The following DLC1 variants were observed in gnomAD, a reference collection of about 807,000 sequenced individuals.
DLC1 encodes rho GTPase-activating protein 7.
A neutral mutation model predicts 140.3 loss-of-function variants in DLC1; 54 were observed. The ratio of observed to expected loss-of-function variants is 0.38; its 90% confidence interval spans 0.31 to 0.48. The LOEUF (loss-of-function observed/expected upper bound fraction) is 0.48, where lower values mean the gene tolerates loss of function less well. Ranked by LOEUF, DLC1 falls within the 20% of genes least tolerant of loss-of-function variation. The pLI is 0.96. For missense variants in DLC1, 2,536 were observed against 1,907.0 expected (o/e 1.33, Z -6.14); for synonymous variants, 986 against 728.1 (o/e 1.35, Z -5.70).
intron 2 of DLC1, among the ~76,000 whole-genome samples, chr8:13,443,095 A>G (rs554607913): frequency 7.0e-4 from 107 of 151,808 alleles, no homozygotes; most frequent in African/African-American, 2.1e-3. Context: ...TCAGCAAACT[A>G]TCTCAAGGAC....
At chr8:13,555,007 C>T (rs73212113) in intron 1 of DLC1, among the ~76,000 whole-genome samples, 20,484 of 152,232 alleles carry the variant, frequency 0.13, 1,544 homozygotes, top group Middle Eastern at 0.24. Flanking sequence ...ATGTTAAGCA[C>T]GTCTCTTTCT....
intron 7 of DLC1, among the ~76,000 whole-genome samples, chr8:13,108,052 T>TA (rs550958674): frequency 3.4e-3 from 514 of 151,794 alleles, no homozygotes; most frequent in African/African-American, 0.012. Flanking sequence ...CTCAAAAAAA[T>TA]AAAAAAATAA....
chr8:13,345,547 C>CTTTTTTTATTTTTTTTTT (rs1834290974), intron 4 of DLC1, among the ~76,000 whole-genome samples: 1 of 67,520 alleles, frequency 1.5e-5, no homozygotes, highest in Non-Finnish European at 2.6e-5. Context: ...TTCACTCACA[C>CTTTTTTTATTTTTTTTTT]TTTTTTTTTT....
intron 7 of DLC1, among the ~76,000 whole-genome samples, chr8:13,104,682 G>C (rs990550345): frequency 2.0e-5 from 3 of 152,200 alleles, no homozygotes; most frequent in African/African-American, 4.8e-5. Flanking sequence ...TGTTCTTGCT[G>C]TTTGCCTAAC....
rs575629783 is a variant in DLC1 at position 13,218,554 on chromosome 8, A to G, written c.1348+86715T>C. Among the ~76,000 whole-genome samples the G allele has an allele frequency of 2.0e-5, 3 of 152,066 alleles. No individual in the cohort carries two copies. In the South Asian group the frequency reaches 6.2e-4, roughly 32 times the overall value. On this transcript the variant is annotated intron_variant, in intron 5 of 17. Coordinates refer to ENST00000276297, the MANE Select transcript of DLC1 (RefSeq NM_182643.3). ...GGTTACTAGCCATTAGGGAATTGCAAATCAAAACTACAGTGATGTAATGCT... is the reference window on the plus strand; with the variant it reads ...GGTTACTAGCCATTAGGGAATTGCAGATCAAAACTACAGTGATGTAATGCT...
At chr8:13,217,376 C>G (rs1828253015) in intron 5 of DLC1, among the ~76,000 whole-genome samples, 1 of 152,130 alleles carries the variant, frequency 6.6e-6, no homozygotes, top group Non-Finnish European at 1.5e-5. Flanking sequence ...GCATTCTTCT[C>G]TTTGTACTAA....
chr8:13,407,026 G>A (rs1009220502), intron 2 of DLC1, among the ~76,000 whole-genome samples: 1 of 152,184 alleles, frequency 6.6e-6, no homozygotes, highest in Non-Finnish European at 1.5e-5. Context: ...GATAATATAT[G>A]TAGCTGCTGT....
intron 1 of DLC1, among the ~76,000 whole-genome samples, chr8:13,506,544 GACAC>G (rs1286418920): frequency 8.6e-5 from 11 of 127,666 alleles, no homozygotes; most frequent in African/African-American, 3.2e-4. Context: ...CACACACATG[GACAC>G]ACACACACAC....
intron 2 of DLC1, among the ~76,000 whole-genome samples, chr8:13,432,204 T>C (rs1838911197): frequency 6.6e-6 from 1 of 152,224 alleles, no homozygotes; most frequent in African/African-American, 2.4e-5. Flanking sequence ...TAATGTATTA[T>C]ATTGAAAATG....
At chr8:13,203,814 G>A (rs1213234385) in intron 5 of DLC1, among the ~76,000 whole-genome samples, 1 of 152,160 alleles carries the variant, frequency 6.6e-6, no homozygotes. Flanking sequence ...GAACAGAATG[G>A]ATGGAAAATA....
At chr8:13,276,504 G>T in intron 5 of DLC1, 2 of 1,309,500 alleles carry the variant, frequency 1.5e-6, no homozygotes, top group Non-Finnish European at 1.9e-6. Flanking sequence ...CCTTCAGGAG[G>T]CCGGCATTGC....
At chr8:13,548,701 C>T (rs1046882585) in intron 1 of DLC1, among the ~76,000 whole-genome samples, 1 of 151,934 alleles carries the variant, frequency 6.6e-6, no homozygotes, top group Non-Finnish European at 1.5e-5. Flanking sequence ...GAGCACACCT[C>T]TTTTTGATAA....
At chr8:13,492,165 C>T (rs1801279798) in intron 2 of DLC1, among the ~76,000 whole-genome samples, 1 of 152,112 alleles carries the variant, frequency 6.6e-6, no homozygotes, top group African/African-American at 2.4e-5. Flanking sequence ...ATTTGAGGAT[C>T]TTGAAATATG....
chr8:13,523,343 A>C (rs998110234), intron 1 of DLC1, among the ~76,000 whole-genome samples: 4 of 152,198 alleles, frequency 2.6e-5, no homozygotes, highest in African/African-American at 9.6e-5. Flanking sequence ...CTTTATGAGC[A>C]ACTGAAAGAT....
chr8:13,475,773 G>T (rs1470391958), intron 2 of DLC1, among the ~76,000 whole-genome samples: 1 of 152,188 alleles, frequency 6.6e-6, no homozygotes. Context: ...GCAGTGAGTG[G>T]CAAGTGTTGG....
At chr8:13,554,632 A>C (rs189925212) in intron 1 of DLC1, among the ~76,000 whole-genome samples, 42 of 152,190 alleles carry the variant, frequency 2.8e-4, no homozygotes, top group Non-Finnish European at 8.8e-5. Flanking sequence ...AAACCCTCTA[A>C]GAAATCTTTC....
intron 5 of DLC1, among the ~76,000 whole-genome samples, chr8:13,180,526 A>C (rs528582453): frequency 1.3e-5 from 2 of 152,186 alleles, no homozygotes; most frequent in Admixed American, 6.5e-5. Flanking sequence ...GAAGAAGCCA[A>C]TGTACAATAG....
intron 5 of DLC1, among the ~76,000 whole-genome samples, chr8:13,194,053 G>C (rs1279482168): frequency 6.6e-6 from 1 of 152,082 alleles, no homozygotes; most frequent in Non-Finnish European, 1.5e-5. Flanking sequence ...GAGTGGCTAG[G>C]GCTTGGTCTC....
chr8:13,131,173 C>T (rs1822042593), intron 5 of DLC1, among the ~76,000 whole-genome samples: 1 of 152,204 alleles, frequency 6.6e-6, no homozygotes, highest in African/African-American at 2.4e-5. Flanking sequence ...ATGGCAACTC[C>T]ATTAATTCCA....
Sources: gnomAD v4.1 joint callset for allele counts (sites outside exome capture counted in the v4.1 genomes callset) on GRCh38, gnomAD v4.1.1 for gene constraint, MANE v1.5 for transcripts, NCBI Gene and HGNC (gene_info 2026-07-23, HGNC 2026-07-21) for gene names.